Variants in GTF2IRD1 observed in about 807,000 individuals in gnomAD.
GTF2IRD1 encodes GTF2I repeat domain containing 1.
Under a neutral mutation model 113.2 loss-of-function variants are expected in GTF2IRD1, and 26 were observed. The observed-to-expected ratio is 0.23, with a 90% CI of 0.17 to 0.32. The LOEUF (loss-of-function observed/expected upper bound fraction) is 0.32. GTF2IRD1 is among the 10% of genes least tolerant of loss of function. The probability of loss-of-function intolerance (pLI) is 1.00; values close to 1 mark genes in which losing one functional copy is unlikely to be tolerated. For missense variants in GTF2IRD1, 864 were observed against 1,280.8 expected (o/e 0.67, Z 4.97); for synonymous variants, 484 against 529.1 (o/e 0.91, Z 1.17).
At chr7:74,459,656 A>G (rs1554328557) in intron 1 of GTF2IRD1, among the ~76,000 whole-genome samples, 1 of 152,182 alleles carries the variant, frequency 6.6e-6, no homozygotes, top group East Asian at 1.9e-4. Context: ...TCAGGTTGCC[A>G]GATTTAGCAA....
chr7:74,567,403 G>A (rs769731626), intron 22 of GTF2IRD1, among the ~76,000 whole-genome samples: 1 of 152,104 alleles, frequency 6.6e-6, no homozygotes, highest in Non-Finnish European at 1.5e-5. Context: ...CTTACTGAAG[G>A]GGGTGATTGG....
intron 19 of GTF2IRD1, among the ~76,000 whole-genome samples, chr7:74,556,565 G>A (rs1799608163): frequency 6.8e-6 from 1 of 147,358 alleles, no homozygotes; most frequent in Non-Finnish European, 1.5e-5. Flanking sequence ...CAGATGATCT[G>A]CCCACCTCAG....
intron 1 of GTF2IRD1, among the ~76,000 whole-genome samples, chr7:74,476,537 T>C (rs1347920272): frequency 6.6e-6 from 1 of 152,012 alleles, no homozygotes; most frequent in Non-Finnish European, 1.5e-5. Context: ...CTAATTTTTT[T>C]ATTTTTAGTA....
intron 1 of GTF2IRD1, among the ~76,000 whole-genome samples, chr7:74,458,739 C>G (rs1793161709): frequency 6.6e-6 from 1 of 151,696 alleles, no homozygotes; most frequent in African/African-American, 2.4e-5. Context: ...ACTGCAACTT[C>G]CACCTCCCGG....
chr7:74,522,208 G>T (rs886826561), intron 7 of GTF2IRD1, among the ~76,000 whole-genome samples: 1 of 150,884 alleles, frequency 6.6e-6, no homozygotes, highest in African/African-American at 2.5e-5. Flanking sequence ...TGTGGGAGAG[G>T]AATTAAACTC....
At chr7:74,559,783 C>CT (rs112974956) in intron 22 of GTF2IRD1, 128 bp downstream of exon 22, 33,833 of 491,566 alleles carry the variant, frequency 0.069, 1 homozygote, top group Middle Eastern at 0.094. Flanking sequence ...CCCTGCCTTT[C>CT]TTTTTTTTTT....
At chr7:74,487,234 C>T (rs1288317377) in intron 1 of GTF2IRD1, among the ~76,000 whole-genome samples, 9 of 152,124 alleles carry the variant, frequency 5.9e-5, no homozygotes, top group African/African-American at 2.2e-4. Context: ...GATGAGGTTT[C>T]GCCATGTTGG....
chr7:74,539,758 AAAG>A, intron 13 of GTF2IRD1, 118 bp from the exon 14 acceptor site: 1 of 644,148 alleles, frequency 1.6e-6, no homozygotes, highest in Non-Finnish European at 2.7e-6. Flanking sequence ...CAAAAAAAAA[AAAG>A]AGACAGAAAG....
chr7:74,538,686 C>G lies in GTF2IRD1; in HGVS notation c.1454C>G (p.Ser485Cys), dbSNP rs1486029823. The change falls in exon 13 of 27, where the codon TCC becomes TGC. Residue 485 changes from serine to cysteine, a missense_variant. Physicochemically the swap from Ser to Cys is moderately radical, Grantham distance 112. Coordinates refer to ENST00000424337, the MANE Select transcript of GTF2IRD1 (RefSeq NM_005685.4). ...SMSEDCGPGT[S>C]GELGGLRPIK... ...CTTCCTTTCCTCCTTGCAGGAACCT[C>G]CGGGGAGCTGGGCGGGCTGAGGCCG... 1 of 1,591,880 alleles carries G rather than the reference C, an allele frequency of 6.3e-7. No individual in the cohort carries two copies. The highest frequency in any genetic ancestry group is 1.3e-5 in the African/African-American group (1 of 74,484).
At chr7:74,582,426 T>TTTC (rs1554366427) in intron 22 of GTF2IRD1, among the ~76,000 whole-genome samples, 2 of 152,212 alleles carry the variant, frequency 1.3e-5, no homozygotes, top group African/African-American at 4.8e-5. Flanking sequence ...CCCAGCATTT[T>TTTC]TTCTTTTTTT....
At chr7:74,515,307 C>A (rs1796865168) in intron 3 of GTF2IRD1, 134 bp from the exon 4 acceptor site, 1 of 1,504,074 alleles carries the variant, frequency 6.6e-7, no homozygotes, top group East Asian at 2.5e-5. Context: ...ATTAATTCTT[C>A]ATTCATTCAT....
chr7:74,479,752 CTTT>C (rs1219454712), intron 1 of GTF2IRD1, among the ~76,000 whole-genome samples: 6 of 122,154 alleles, frequency 4.9e-5, no homozygotes, highest in East Asian at 2.3e-4. Flanking sequence ...GTACATGAAT[CTTT>C]TTTTTTTTTT....
At chr7:74,495,198 G>C (rs1022753540) in intron 1 of GTF2IRD1, among the ~76,000 whole-genome samples, 1 of 152,214 alleles carries the variant, frequency 6.6e-6, no homozygotes, top group African/African-American at 2.4e-5. Context: ...GTGGGTGCAG[G>C]CTCCAGGTGG....
rs1402326965 is a variant in GTF2IRD1, at chr7:74,547,230, C to T, written c.1860C>T (p.Ile620=). 2.6e-5 allele frequency: 42 copies of T among 1,613,222 alleles called. No individual in the cohort carries two copies. The highest frequency in any genetic ancestry group is 3.5e-5 in the Non-Finnish European group (41 of 1,179,842). ...ISLRRPNCFG[I]AKLRKILEAS... ...TCCGCAGGCCCAACTGCTTCGGGAT[C>T]GCCAAGCTCCGGAAGATTCTGGAGG... Residue 620 remains isoleucine (I), a synonymous_variant, in exon 17 of 27, where the codon ATC becomes ATT. Coordinates refer to ENST00000424337, the MANE Select transcript of GTF2IRD1 (RefSeq NM_005685.4).
At chr7:74,473,136 C>T (rs1794204173) in intron 1 of GTF2IRD1, among the ~76,000 whole-genome samples, 2 of 152,184 alleles carry the variant, frequency 1.3e-5, no homozygotes, top group Non-Finnish European at 1.5e-5. Context: ...TGGAGTAACC[C>T]CCAAGCCTCA....
At chr7:74,596,995 G>A (rs1802456955) in intron 25 of GTF2IRD1, among the ~76,000 whole-genome samples, 1 of 152,052 alleles carries the variant, frequency 6.6e-6, no homozygotes, top group South Asian at 2.1e-4. Flanking sequence ...TAAGGCTGCA[G>A]TGAGCTATGA....
Position 74,554,697 on chromosome 7 carries a change from C to T in GTF2IRD1, c.1917-477C>T, listed in dbSNP as rs193035164. On this transcript the variant is annotated intron_variant, in intron 17 of 26. Transcript: ENST00000424337. ...GGGATTATAGGCACCTGCCACCACA[C>T]CTGGCTAATTTTTGTATTTTTAGTA... Among the ~76,000 whole-genome samples the T allele has an allele frequency of 5.3e-5, 8 of 152,276 alleles. No individual in the cohort carries two copies. In the East Asian group the frequency reaches 1.2e-3, roughly 22 times the overall value.
chr7:74,459,161 A>T (rs1554328323), intron 1 of GTF2IRD1, among the ~76,000 whole-genome samples: 3 of 152,022 alleles, frequency 2.0e-5, no homozygotes, highest in African/African-American at 7.2e-5. Context: ...CCCATTTAAG[A>T]TAAGTTAGGG....
chr7:74,598,276 C>T (rs1245820603), intron 25 of GTF2IRD1, among the ~76,000 whole-genome samples: 1 of 151,800 alleles, frequency 6.6e-6, no homozygotes, highest in Non-Finnish European at 1.5e-5. Flanking sequence ...ACACACGGAT[C>T]TGGAGGCGAT....
Sources: gnomAD v4.1 joint callset for allele counts (sites outside exome capture counted in the v4.1 genomes callset) on GRCh38, gnomAD v4.1.1 for gene constraint, MANE v1.5 for transcripts, NCBI Gene and HGNC (gene_info 2026-07-23, HGNC 2026-07-21) for gene names.